SHTN1: variants seen among roughly 807,000 people sequenced by gnomAD.
SHTN1 encodes shootin 1, also known as shootin-1.
A neutral mutation model predicts 83.1 loss-of-function variants in SHTN1; 42 were observed. The ratio of observed to expected loss-of-function variants is 0.51; its 90% CI spans 0.39 to 0.65. The LOEUF (loss-of-function observed/expected upper bound fraction) is 0.65. SHTN1 is among the 30% of genes least tolerant of loss of function. The pLI is 0.00. For synonymous variants in SHTN1, 224 were observed against 247.7 expected (o/e 0.90, Z 0.90); for missense variants, 622 against 737.8 (o/e 0.84, Z 1.82).
chr10:116,890,442 G>A (rs1029259012), intron 16 of SHTN1, among the ~76,000 whole-genome samples: 2 of 152,148 alleles, frequency 1.3e-5, no homozygotes, highest in Admixed American at 6.5e-5. Context: ...CTTGTTAACA[G>A]CAGACACAGG....
chr10:116,993,111 G>C, intron 1 of SHTN1, among the ~76,000 whole-genome samples: 1 of 150,886 alleles, frequency 6.6e-6, no homozygotes, highest in Non-Finnish European at 1.5e-5. Flanking sequence ...CGCCTCCCGG[G>C]TTCAAGCGAT....
chr10:116,959,724 C>T (rs1197816441), intron 4 of SHTN1, among the ~76,000 whole-genome samples: 1 of 152,166 alleles, frequency 6.6e-6, no homozygotes, highest in African/African-American at 2.4e-5. Flanking sequence ...AAATGCACGG[C>T]TTCAGGGTGA....
intron 16 of SHTN1, chr10:116,900,975 A>T (rs2133322691): frequency 1.0e-6 from 1 of 985,472 alleles, no homozygotes; most frequent in East Asian, 1.1e-4. Flanking sequence ...CTTTTAAGCT[A>T]AGACAGCTAG....
intron 12 of SHTN1, among the ~76,000 whole-genome samples, chr10:116,918,327 TAA>T (rs201624226): frequency 1.4e-5 from 2 of 138,694 alleles, no homozygotes; most frequent in Admixed American, 7.1e-5. Context: ...TAGTTCCTTA[TAA>T]AAAAAAAAAA....
chr10:117,109,971 T>C (rs1853742068), intron 1 of SHTN1, among the ~76,000 whole-genome samples: 1 of 152,346 alleles, frequency 6.6e-6, no homozygotes, highest in East Asian at 1.9e-4. Context: ...GGAAATCACA[T>C]TATTTCCACC....
At chr10:117,112,609 T>TA (rs1853784328) in intron 1 of SHTN1, among the ~76,000 whole-genome samples, 1 of 152,186 alleles carries the variant, frequency 6.6e-6, no homozygotes, top group Non-Finnish European at 1.5e-5. Flanking sequence ...CAGATAGACT[T>TA]AGTGATTTGG....
chr10:117,118,871 C>T (rs1853886772), intron 1 of SHTN1, among the ~76,000 whole-genome samples: 1 of 152,142 alleles, frequency 6.6e-6, no homozygotes, highest in Non-Finnish European at 1.5e-5. Context: ...TGCAGCAAAC[C>T]ACCATGACAC....
chr10:117,006,245 T>G (rs1468432797), upstream of SHTN1, among the ~76,000 whole-genome samples: 1 of 150,746 alleles, frequency 6.6e-6, no homozygotes, highest in Admixed American at 6.6e-5. Flanking sequence ...TTTTTGTTTT[T>G]TTTTTGTTTT....
upstream of SHTN1, among the ~76,000 whole-genome samples, chr10:117,007,195 G>T (rs1852032732): frequency 6.6e-6 from 1 of 151,892 alleles, no homozygotes. Context: ...AAAAATAATG[G>T]ACATTTAGCT....
chr10:117,112,402 T>C (rs961918780), intron 1 of SHTN1, among the ~76,000 whole-genome samples: 2 of 152,110 alleles, frequency 1.3e-5, no homozygotes, highest in African/African-American at 4.8e-5. Context: ...TATTAAAGCC[T>C]TTTCCTCCCA....
chr10:116,897,643 TTTTCC>T (rs1313795722), intron 16 of SHTN1, among the ~76,000 whole-genome samples: 1 of 152,238 alleles, frequency 6.6e-6, no homozygotes, highest in Non-Finnish European at 1.5e-5. Flanking sequence ...ATTAAAATGC[TTTTCC>T]TATATGATCT....
rs185812781 is a variant in SHTN1, at chr10:117,104,546, G to A, written c.-189+21761C>T. Among the ~76,000 whole-genome samples the A allele has an allele frequency of 3.6e-3, 555 of 152,216 alleles. 2 individuals carry two copies. The highest frequency in any genetic ancestry group is 6.4e-3 in the Non-Finnish European group (432 of 68,024). Reference sequence around the variant, plus strand: ...AGCACTTTGGGAGGCCGAGGCAGGCGGATCACGAGGTCAGGAAATCGAGAC... The same window carrying A: ...AGCACTTTGGGAGGCCGAGGCAGGCAGATCACGAGGTCAGGAAATCGAGAC... On this transcript the variant is annotated intron_variant, in intron 1 of 17. Transcript: ENST00000392901.
intron 9 of SHTN1, among the ~76,000 whole-genome samples, chr10:116,931,080 A>G (rs909173395): frequency 1.3e-5 from 2 of 150,454 alleles, no homozygotes; most frequent in Non-Finnish European, 3.0e-5. Context: ...AATTCAGGTA[A>G]TATTTTAAAA....
At chr10:116,924,746 A>G (rs7072631) in intron 11 of SHTN1, among the ~76,000 whole-genome samples, 1 of 89,544 alleles carries the variant, frequency 1.1e-5, no homozygotes, top group African/African-American at 4.1e-5. Context: ...ATTTTCACCT[A>G]TTTTTTTTTT....
intron 1 of SHTN1, among the ~76,000 whole-genome samples, chr10:117,000,563 TTATG>T (rs1192324969): frequency 5.3e-5 from 8 of 152,224 alleles, no homozygotes; most frequent in African/African-American, 1.4e-4. Flanking sequence ...TGTTTTCCTC[TTATG>T]TATGTCCTTA....
At chr10:117,084,760 C>T (rs963808261) in intron 1 of SHTN1, among the ~76,000 whole-genome samples, 10 of 152,112 alleles carry the variant, frequency 6.6e-5, no homozygotes, top group Admixed American at 2.0e-4. Flanking sequence ...TTAAGCCCGT[C>T]GGAAAAGCGC....
At chr10:116,936,631 A>G (rs1401141346) in intron 9 of SHTN1, among the ~76,000 whole-genome samples, 1 of 152,178 alleles carries the variant, frequency 6.6e-6, no homozygotes, top group African/African-American at 2.4e-5. Context: ...CCTGAGAAGA[A>G]TATATATTCT....
At chr10:116,893,035 TACTC>T (rs1194027890) in intron 16 of SHTN1, among the ~76,000 whole-genome samples, 5 of 152,348 alleles carry the variant, frequency 3.3e-5, no homozygotes, top group East Asian at 1.9e-4. Context: ...AATTGAGAAT[TACTC>T]AGCAGCATTT....
chr10:117,049,007 T>C (rs575147584), intron 1 of SHTN1, among the ~76,000 whole-genome samples: 139 of 152,272 alleles, frequency 9.1e-4, no homozygotes, highest in African/African-American at 2.9e-3. Flanking sequence ...CATCTGTCAA[T>C]TGGGGACCAT....
Sources: gnomAD v4.1 joint callset for allele counts (sites outside exome capture counted in the v4.1 genomes callset) on GRCh38, gnomAD v4.1.1 for gene constraint, MANE v1.5 for transcripts, NCBI Gene and HGNC (gene_info 2026-07-23, HGNC 2026-07-21) for gene names.